The following FYB1 variants were observed in gnomAD, a reference collection of about 807,000 sequenced individuals.
The protein encoded by FYB1 is FYN binding protein 1, also known as FYN-binding protein 1.
Under a neutral mutation model 94.1 loss-of-function variants are expected in FYB1, and 41 were observed. That is an observed-to-expected ratio of 0.44 (90% CI 0.34 to 0.57). The LOEUF (loss-of-function observed/expected upper bound fraction) is 0.57, where lower values mean the gene tolerates loss of function less well. Ranked by LOEUF, FYB1 falls within the 20% of genes least tolerant of loss-of-function variation. FYB1 has a pLI of 0.02. For missense variants in FYB1, 1,050 were observed against 976.8 expected (o/e 1.07, Z -1.00); for synonymous variants, 367 against 353.2 (o/e 1.04, Z -0.44).
chr5:39,242,751 C>T (rs1751270149), intron 1 of FYB1, among the ~76,000 whole-genome samples: 1 of 152,194 alleles, frequency 6.6e-6, no homozygotes, highest in African/African-American at 2.4e-5. Context: ...TTTACAGTCC[C>T]ACCAACAGTG....
chr5:39,147,932 G>A (rs1478900443), intron 3 of FYB1, among the ~76,000 whole-genome samples: 1 of 149,340 alleles, frequency 6.7e-6, no homozygotes, highest in Non-Finnish European at 1.5e-5. Flanking sequence ...TGCTCTCCTC[G>A]GCCTCCCAAG....
upstream of FYB1, among the ~76,000 whole-genome samples, chr5:39,220,238 G>C (rs189606445): frequency 5.9e-5 from 9 of 151,654 alleles, no homozygotes; most frequent in Admixed American, 4.6e-4. Flanking sequence ...GTGAGACCCT[G>C]TCTCTACAAA....
chr5:39,221,618 G>T (rs113620275), upstream of FYB1, among the ~76,000 whole-genome samples: 3 of 152,150 alleles, frequency 2.0e-5, no homozygotes, highest in Non-Finnish European at 2.9e-5. Flanking sequence ...AGTTGATCTT[G>T]GGCCATGAAG....
intron 1 of FYB1, among the ~76,000 whole-genome samples, chr5:39,252,649 C>CT (rs1286421613): frequency 6.6e-6 from 1 of 152,192 alleles, no homozygotes; most frequent in African/African-American, 2.4e-5. Flanking sequence ...CATGCAAACT[C>CT]ATACTAAGTT....
At chr5:39,130,358 G>A (rs936335963) in intron 10 of FYB1, among the ~76,000 whole-genome samples, 2 of 152,026 alleles carry the variant, frequency 1.3e-5, no homozygotes, top group Non-Finnish European at 2.9e-5. Context: ...GTAGAGTAGG[G>A]TGACTATAAT....
chr5:39,130,373 A>G (rs748044522), intron 10 of FYB1, among the ~76,000 whole-genome samples: 18 of 152,108 alleles, frequency 1.2e-4, no homozygotes, highest in Non-Finnish European at 2.4e-4. Context: ...TATAATTAAC[A>G]ATAATACATT....
chr5:39,273,616 G>A (rs1752723349), intron 1 of FYB1, among the ~76,000 whole-genome samples: 1 of 152,186 alleles, frequency 6.6e-6, no homozygotes, highest in Non-Finnish European at 1.5e-5. Context: ...GGGAGAAGTA[G>A]CTTACAGAAT....
chr5:39,129,366 A>G (rs988572174), intron 10 of FYB1, among the ~76,000 whole-genome samples: 1 of 152,142 alleles, frequency 6.6e-6, no homozygotes, highest in Non-Finnish European at 1.5e-5. Flanking sequence ...CTGTAAGAAA[A>G]CATAGAGAAA....
Position 39,134,922 on chromosome 5 carries a change from T to C in FYB1, c.1608A>G (p.Gln536=), listed in dbSNP as rs1166689239. The change falls in exon 8 of 19, where the codon CAA becomes CAG. Residue 536 remains glutamine (Q), a synonymous_variant. Coordinates refer to ENST00000512982, the MANE Select transcript of FYB1 (RefSeq NM_001465.6). ...KNELSFKQGE[Q]IEIIRITDNP... ...TGTCTGTGATGCGGATGATTTCAAT[T>C]TGCTCTCCTTGCTTGAAGCTCAGTT... The C allele has an allele frequency of 1.2e-6, 2 of 1,613,994 alleles. No individual in the cohort carries two copies. The highest frequency in any genetic ancestry group is 3.3e-5 in the Admixed American group (2 of 60,022).
intron 2 of FYB1, among the ~76,000 whole-genome samples, chr5:39,181,725 T>C (rs114125655): frequency 0.012 from 1,810 of 152,340 alleles, 42 homozygotes; most frequent in African/African-American, 0.042. Context: ...GCATCATCCT[T>C]GACACCTACT....
At chr5:39,158,405 C>T (rs980478411) in intron 2 of FYB1, among the ~76,000 whole-genome samples, 13 of 152,106 alleles carry the variant, frequency 8.5e-5, no homozygotes, top group African/African-American at 3.1e-4. Context: ...GAAATGCAGG[C>T]TACCCAAAAT....
At chr5:39,211,403 C>T (rs552195613) in intron 1 of FYB1, among the ~76,000 whole-genome samples, 131 of 151,778 alleles carry the variant, frequency 8.6e-4, no homozygotes, top group African/African-American at 3.0e-3. Context: ...CCACTGCAAG[C>T]TCCGCCTCCC....
intron 1 of FYB1, among the ~76,000 whole-genome samples, chr5:39,270,180 C>G (rs1341692920): frequency 6.6e-6 from 1 of 152,116 alleles, no homozygotes; most frequent in Non-Finnish European, 1.5e-5. Flanking sequence ...ATGGCAATCA[C>G]CATCATTAAT....
intron 3 of FYB1, among the ~76,000 whole-genome samples, chr5:39,153,106 G>A (rs1169878981): frequency 6.6e-6 from 1 of 152,234 alleles, no homozygotes; most frequent in African/African-American, 2.4e-5. Flanking sequence ...TGGTGATCGT[G>A]ATAGTGGAGG....
chr5:39,154,871 C>T (rs958311810), intron 2 of FYB1, among the ~76,000 whole-genome samples: 17 of 152,092 alleles, frequency 1.1e-4, no homozygotes, highest in African/African-American at 2.7e-4. Flanking sequence ...GGATTACAAG[C>T]GTGAGCCACC....
intron 13 of FYB1, 34 bp from the exon 14 acceptor site, chr5:39,122,436 CTG>C (rs1740212724): frequency 2.3e-6 from 3 of 1,301,266 alleles, no homozygotes; most frequent in Non-Finnish European, 2.2e-6. Flanking sequence ...GGTTGAAACA[CTG>C]TTAGTTTAGA....
At chr5:39,139,868 T>G (rs1742010639) in intron 4 of FYB1, 1 of 152,012 alleles carries the variant, frequency 6.6e-6, no homozygotes, top group African/African-American at 2.4e-5. Context: ...AATATACACA[T>G]ACACACACAT....
At chr5:39,184,351 G>T (rs1579595473) in intron 2 of FYB1, among the ~76,000 whole-genome samples, 1 of 152,130 alleles carries the variant, frequency 6.6e-6, no homozygotes, top group Non-Finnish European at 1.5e-5. Context: ...CTTCTATGAG[G>T]AGGTAGGTAC....
chr5:39,202,808 G>A lies in FYB1; in HGVS notation c.153C>T (p.Pro51=), dbSNP rs1748487234. 1.2e-5 allele frequency: 20 copies of A among 1,613,960 alleles called. No homozygotes were observed. Among genetic ancestry groups the A allele is most frequent in the Non-Finnish European group, 1.5e-5 (18 of 1,179,884 alleles). Residue 51 remains proline, a synonymous_variant, in exon 2 of 19, where the codon CCC becomes CCT. Transcript: ENST00000512982. ...NQGNASPPAG[P]SNVPKFGSPK... is the part of the protein sequence containing the mutation. ...GGGACCCAAACTTAGGTACATTGCT[G>A]GGTCCTGCAGGAGGGCTGGCATTTC...
Sources: allele counts gnomAD v4.1 joint callset (sites outside exome capture counted in the v4.1 genomes callset), GRCh38; gene constraint gnomAD v4.1.1; transcripts MANE v1.5; gene names NCBI Gene and HGNC (gene_info 2026-07-23, HGNC 2026-07-21).